GTF2IRD2B: variants seen among roughly 807,000 people sequenced by gnomAD.
GTF2IRD2B encodes general transcription factor II-I repeat domain-containing protein 2B.
A neutral mutation model predicts 55.6 loss-of-function variants in GTF2IRD2B; 10 were observed. The ratio of observed to expected loss-of-function variants is 0.18; its 90% CI spans 0.11 to 0.31. GTF2IRD2B has a LOEUF of 0.31. Ranked by LOEUF, GTF2IRD2B falls within the 10% of genes least tolerant of loss-of-function variation. The probability of loss-of-function intolerance (pLI) is 1.00; values close to 1 mark genes in which losing one functional copy is unlikely to be tolerated. For synonymous variants in GTF2IRD2B, 107 were observed against 320.5 expected (o/e 0.33, Z 7.12); for missense variants, 206 against 802.7 (o/e 0.26, Z 8.98).
At chr7:75,147,362 G>C (rs1333271494) in intron 15 of GTF2IRD2B, among the ~76,000 whole-genome samples, 4 of 151,788 alleles carry the variant, frequency 2.6e-5, no homozygotes, top group Non-Finnish European at 5.9e-5. Flanking sequence ...GAACCCAGGA[G>C]GCAGAAGTTG....
intron 3 of GTF2IRD2B, 141 bp downstream of exon 3, chr7:75,112,676 A>G: frequency 6.3e-7 from 1 of 1,593,896 alleles, no homozygotes; most frequent in Non-Finnish European, 8.5e-7. Context: ...AGCTTACCAA[A>G]TAAATACTGC....
At chr7:75,109,432 G>A (rs1188159286) in intron 2 of GTF2IRD2B, among the ~76,000 whole-genome samples, 3 of 139,434 alleles carry the variant, frequency 2.2e-5, no homozygotes, top group African/African-American at 7.4e-5. Flanking sequence ...TCCGCCTCCC[G>A]GGTTCAAGCA....
At chr7:75,115,476 T>G (rs1808115607) in intron 3 of GTF2IRD2B, among the ~76,000 whole-genome samples, 1 of 146,338 alleles carries the variant, frequency 6.8e-6, no homozygotes, top group Admixed American at 7.0e-5. Flanking sequence ...CAGGCTGGAG[T>G]GCAGTGGAGA....
At chr7:75,110,109 C>T (rs1554450545) in intron 2 of GTF2IRD2B, among the ~76,000 whole-genome samples, 1 of 133,264 alleles carries the variant, frequency 7.5e-6, no homozygotes, top group African/African-American at 2.8e-5. Flanking sequence ...CCATTGCACT[C>T]CAGCCTGTGC....
intron 3 of GTF2IRD2B, among the ~76,000 whole-genome samples, chr7:75,116,076 C>T (rs1808142861): frequency 7.6e-6 from 1 of 132,302 alleles, no homozygotes; most frequent in Admixed American, 8.0e-5. Flanking sequence ...TGCACCACCA[C>T]ACCCAGCTAA....
chr7:75,118,455 TCGGCCCTGGGGAGC>T (rs1159980303), intron 3 of GTF2IRD2B, among the ~76,000 whole-genome samples: 1 of 151,478 alleles, frequency 6.6e-6, no homozygotes, highest in Admixed American at 6.6e-5. Flanking sequence ...GGTCTGGATC[TCGGCCCTGGGGAGC>T]CACCCCATTC....
At chr7:75,124,359 CTG>C (rs1414546217) in intron 6 of GTF2IRD2B, among the ~76,000 whole-genome samples, 2 of 152,278 alleles carry the variant, frequency 1.3e-5, no homozygotes, top group Non-Finnish European at 2.9e-5. Flanking sequence ...CAAAATGAGA[CTG>C]TGCCTCAAAA....
At chr7:75,101,497 C>G (rs1807554750) in intron 1 of GTF2IRD2B, among the ~76,000 whole-genome samples, 1 of 149,894 alleles carries the variant, frequency 6.7e-6, no homozygotes, top group Non-Finnish European at 1.5e-5. Context: ...CCCAGGAGGT[C>G]AAGGCTACAG....
chr7:75,132,586 C>T (rs1427838271), intron 8 of GTF2IRD2B, among the ~76,000 whole-genome samples: 9 of 88,998 alleles, frequency 1.0e-4, no homozygotes, highest in Admixed American at 6.9e-4. Flanking sequence ...GATGGAGTCT[C>T]GCTTTGTCAA....
chr7:75,115,914 CTTTCT>C (rs1808134496), intron 3 of GTF2IRD2B, among the ~76,000 whole-genome samples: 2 of 73,208 alleles, frequency 2.7e-5, no homozygotes. Flanking sequence ...AATTTCTTTT[CTTTCT>C]TTTTTTTTTT....
intron 6 of GTF2IRD2B, 120 bp downstream of exon 6, chr7:75,123,636 G>A: frequency 4.9e-6 from 3 of 615,066 alleles, no homozygotes; most frequent in Non-Finnish European, 9.1e-6. Flanking sequence ...AGCACTTTGG[G>A]AGGCTGAGGC....
In GTF2IRD2B at chr7:75,102,306, A is replaced by G. The variant is rs1401310661; in HGVS notation, c.-5-6654A>G. Among the ~76,000 whole-genome samples, 3 of 150,726 alleles carry G rather than the reference A, an allele frequency of 2.0e-5. No individual in the cohort carries two copies. In the Admixed American group the frequency reaches 2.0e-4, roughly 10 times the overall value. On this transcript the variant is annotated intron_variant, in intron 1 of 15. Transcript: ENST00000472837. ...GTGAGCCACTGTGCCCGGCCATCAC[A>G]GTCAATTTTTGAACATTTTCATCAC...
chr7:75,126,998 A>G (rs1554535769), intron 8 of GTF2IRD2B, among the ~76,000 whole-genome samples: 2 of 124,534 alleles, frequency 1.6e-5, no homozygotes, highest in Non-Finnish European at 3.5e-5. Flanking sequence ...TTCTGTGTCA[A>G]AAAAAAACAA....
rs1554536291 is a variant in GTF2IRD2B, at chr7:75,122,845, C to T, written c.359-291C>T. Among the ~76,000 whole-genome samples, 4 of 150,752 alleles carry T rather than the reference C, an allele frequency of 2.7e-5. 1 individual carries two copies. Among genetic ancestry groups the T allele is most frequent in the Non-Finnish European group, 5.9e-5 (4 of 67,608 alleles). On this transcript the variant is annotated intron_variant, in intron 4 of 15. Transcript: ENST00000472837. The stretch of plus-strand genomic sequence containing the variant: ...GGTAGATCGCCTGAGCTCAGCCGTT[C>T]GAGACCAGTCTGGACAACATGGTGA...
chr7:75,101,434 A>G (rs1807550816), intron 1 of GTF2IRD2B, among the ~76,000 whole-genome samples: 2 of 150,148 alleles, frequency 1.3e-5, no homozygotes, highest in Admixed American at 1.3e-4. Context: ...GTGTCGTGGC[A>G]CATGCCTGTC....
At chr7:75,147,444 C>A (rs1809180987) in intron 15 of GTF2IRD2B, among the ~76,000 whole-genome samples, 1 of 151,920 alleles carries the variant, frequency 6.6e-6, no homozygotes, top group Admixed American at 6.6e-5. Flanking sequence ...AAAACAACGA[C>A]AACAAAAATT....
intron 15 of GTF2IRD2B, among the ~76,000 whole-genome samples, chr7:75,145,731 CA>C (rs1239787118): frequency 0.79 from 65,964 of 83,590 alleles, 24,858 homozygotes; most frequent in Middle Eastern, 0.87. Context: ...GACTCTGTCT[CA>C]AAAAAAAAAA....
chr7:75,103,150 G>A (rs1411673003), intron 1 of GTF2IRD2B, among the ~76,000 whole-genome samples: 2 of 150,980 alleles, frequency 1.3e-5, no homozygotes, highest in Non-Finnish European at 3.0e-5. Flanking sequence ...CCGGTGGCGG[G>A]TGCCTATAAT....
chr7:75,118,920 C>T (rs1485624246), intron 3 of GTF2IRD2B, among the ~76,000 whole-genome samples: 29 of 134,198 alleles, frequency 2.2e-4, no homozygotes, highest in African/African-American at 7.6e-4. Context: ...AATGGCCGGG[C>T]ATGGTAGTGC....
Sources: gnomAD v4.1 joint callset for allele counts (sites outside exome capture counted in the v4.1 genomes callset) on GRCh38, gnomAD v4.1.1 for gene constraint, MANE v1.5 for transcripts, NCBI Gene and HGNC (gene_info 2026-07-23, HGNC 2026-07-21) for gene names.